Variants in ADGRL3 observed in about 807,000 individuals in gnomAD.
ADGRL3 encodes adhesion G protein-coupled receptor L3, also known as calcium-independent alpha-latrotoxin receptor 3.
Under a neutral mutation model 153.5 loss-of-function variants are expected in ADGRL3, and 62 were observed. That is an observed-to-expected ratio of 0.40 (90% CI 0.33 to 0.50). ADGRL3 has a LOEUF of 0.50. ADGRL3 is among the 20% of genes least tolerant of loss of function. The pLI is 0.47. For synonymous variants in ADGRL3, 710 were observed against 672.5 expected, an observed-to-expected ratio of 1.06 and a Z score of -0.86; for missense variants, 1,641 against 1,859.4, an observed-to-expected ratio of 0.88 and a Z score of 2.16.
At chr4:61,245,229 G>A (rs1756573698) in intron 1 of ADGRL3, among the ~76,000 whole-genome samples, 2 of 152,016 alleles carry the variant, frequency 1.3e-5, no homozygotes, top group South Asian at 4.1e-4. Context: ...ACACATATAA[G>A]GTTTTTAGCC....
At chr4:61,837,438 A>G (rs985084390) in intron 9 of ADGRL3, among the ~76,000 whole-genome samples, 2 of 152,140 alleles carry the variant, frequency 1.3e-5, no homozygotes, top group African/African-American at 2.4e-5. Context: ...AGGCTTCCAT[A>G]GTTTCTTTGG....
chr4:61,733,121 T>G lies in ADGRL3; in HGVS notation c.966T>G (p.Pro322=), dbSNP rs751636398. The G allele has an allele frequency of 6.2e-7, 1 of 1,613,250 alleles. No homozygotes were observed. ...IANANYHDTS[P]YRWGGKSDID... ...ATGCCAATTACCATGATACCTCCCC[T>G]TACCGATGGGGAGGCAAATCTGACA... Residue 322 remains proline (P), a synonymous_variant, in exon 8 of 27, where the codon CCT becomes CCG. Transcript: ENST00000683033.
intron 12 of ADGRL3, among the ~76,000 whole-genome samples, chr4:61,911,438 C>T (rs2149834063): frequency 6.6e-6 from 1 of 152,154 alleles, no homozygotes; most frequent in Middle Eastern, 3.4e-3. Context: ...TGTGGTTTGT[C>T]ATATGTTAAT....
At chr4:61,909,959 A>C (rs951875197) in intron 12 of ADGRL3, among the ~76,000 whole-genome samples, 5 of 152,140 alleles carry the variant, frequency 3.3e-5, no homozygotes, top group African/African-American at 1.2e-4. Context: ...GATAAATGAT[A>C]ATCTCTCTAT....
chr4:61,536,637 T>C (rs1019635397), intron 4 of ADGRL3, among the ~76,000 whole-genome samples: 1 of 152,146 alleles, frequency 6.6e-6, no homozygotes, highest in African/African-American at 2.4e-5. Context: ...CATTATATAA[T>C]GCCTTTCTTT....
At chr4:62,021,344 A>T (rs1257927425) in intron 21 of ADGRL3, among the ~76,000 whole-genome samples, 1 of 152,172 alleles carries the variant, frequency 6.6e-6, no homozygotes, top group Non-Finnish European at 1.5e-5. Context: ...CAATTAGCGA[A>T]ACATTGCAGA....
intron 4 of ADGRL3, among the ~76,000 whole-genome samples, chr4:61,579,431 G>C (rs1228197022): frequency 1.3e-5 from 2 of 152,152 alleles, no homozygotes; most frequent in East Asian, 3.9e-4. Flanking sequence ...TATTTCTCGT[G>C]AATTGGAAGA....
At chr4:61,885,484 G>C (rs2098533297) in intron 9 of ADGRL3, among the ~76,000 whole-genome samples, 1 of 152,086 alleles carries the variant, frequency 6.6e-6, no homozygotes. Flanking sequence ...ATAATTAATA[G>C]TGCCTTCTAA....
chr4:61,655,531 G>A (rs1457652543), intron 5 of ADGRL3, among the ~76,000 whole-genome samples: 3 of 151,970 alleles, frequency 2.0e-5, no homozygotes, highest in Non-Finnish European at 4.4e-5. Context: ...GAAAAAAACA[G>A]AAATACACTT....
At chr4:61,364,717 C>G (rs2096363314) in intron 1 of ADGRL3, among the ~76,000 whole-genome samples, 1 of 152,032 alleles carries the variant, frequency 6.6e-6, no homozygotes, top group Non-Finnish European at 1.5e-5. Flanking sequence ...TGTGAGTCAC[C>G]AAATGTACAA....
At chr4:61,306,511 T>G (rs941120392) in intron 1 of ADGRL3, among the ~76,000 whole-genome samples, 9 of 151,126 alleles carry the variant, frequency 6.0e-5, no homozygotes, top group Admixed American at 5.3e-4. Context: ...AATTTCCATG[T>G]GAACTTTCCT....
intron 4 of ADGRL3, among the ~76,000 whole-genome samples, chr4:61,551,131 A>G (rs543328345): frequency 5.9e-5 from 9 of 152,250 alleles, no homozygotes; most frequent in African/African-American, 1.7e-4. Flanking sequence ...GGTGACTGTG[A>G]ATATTCCTTT....
intron 1 of ADGRL3, among the ~76,000 whole-genome samples, chr4:61,216,057 C>A (rs1423136115): frequency 6.6e-6 from 1 of 151,974 alleles, no homozygotes; most frequent in Non-Finnish European, 1.5e-5. Context: ...AATGCTTCTG[C>A]TTGCAAGTTG....
chr4:61,916,182 T>C (rs924544659), intron 13 of ADGRL3, among the ~76,000 whole-genome samples: 2 of 152,200 alleles, frequency 1.3e-5, no homozygotes, highest in South Asian at 2.1e-4. Flanking sequence ...ATATTTTAAA[T>C]AATATGTGAA....
intron 9 of ADGRL3, among the ~76,000 whole-genome samples, chr4:61,820,849 C>A (rs191125791): frequency 6.6e-6 from 1 of 152,094 alleles, no homozygotes; most frequent in Non-Finnish European, 1.5e-5. Context: ...TTCTCCCAAC[C>A]GTTATTTTGC....
chr4:61,831,521 C>G (rs1367784405), intron 9 of ADGRL3, among the ~76,000 whole-genome samples: 1 of 150,316 alleles, frequency 6.7e-6, no homozygotes, highest in Non-Finnish European at 1.5e-5. Context: ...TTTAAAAGCC[C>G]TGGTACTGTG....
intron 1 of ADGRL3, among the ~76,000 whole-genome samples, chr4:61,279,110 A>T (rs967144592): frequency 1.3e-5 from 2 of 152,174 alleles, no homozygotes; most frequent in African/African-American, 4.8e-5. Context: ...ACAGGTTTCA[A>T]AAAGGATATT....
intron 8 of ADGRL3, among the ~76,000 whole-genome samples, chr4:61,759,722 G>A (rs554444898): frequency 2.5e-4 from 38 of 152,254 alleles, no homozygotes; most frequent in Admixed American, 4.6e-4. Context: ...GAGGAGCTGC[G>A]TTCCTTTGGA....
rs182810485 is a variant in ADGRL3 at position 61,825,771 on chromosome 4, T to A, written c.1480+11882T>A. 1.9e-3 allele frequency among the ~76,000 whole-genome samples: 284 copies of A among 152,278 alleles called. 2 individuals are homozygous for A. Among genetic ancestry groups the A allele is most frequent in the Middle Eastern group, 0.01 (3 of 294 alleles). ...TAACCAAAAAAAGATCTTGAAAAAT[T>A]TCTTAAATTATTCATGACATGTGGT... On this transcript the variant is annotated intron_variant, in intron 9 of 26. Transcript: ENST00000683033.
Sources: gnomAD v4.1 joint callset for allele counts (sites outside exome capture counted in the v4.1 genomes callset) on GRCh38, gnomAD v4.1.1 for gene constraint, MANE v1.5 for transcripts, NCBI Gene and HGNC (gene_info 2026-07-23, HGNC 2026-07-21) for gene names.